TTC27: variants seen among roughly 807,000 people sequenced by gnomAD.
TTC27 encodes tetratricopeptide repeat protein 27.
In TTC27, 79 loss-of-function variants were observed where a neutral mutation model predicts 115.9. That is an observed-to-expected ratio of 0.68 (90% CI 0.57 to 0.82). The LOEUF is 0.82. Ranked by LOEUF, TTC27 falls within the 40% of genes least tolerant of loss-of-function variation. TTC27 has a pLI of 0.00. For missense variants in TTC27, 1,054 were observed against 993.1 expected, an observed-to-expected ratio of 1.06 and a Z score of -0.82; for synonymous variants, 401 against 356.0, an observed-to-expected ratio of 1.13 and a Z score of -1.42.
chr2:32,642,168 A>G (rs1572467331), intron 4 of TTC27, among the ~76,000 whole-genome samples: 1 of 151,076 alleles, frequency 6.6e-6, no homozygotes, highest in Non-Finnish European at 1.5e-5. Flanking sequence ...AAGCATCACA[A>G]TATTTCTATA....
intron 4 of TTC27, among the ~76,000 whole-genome samples, chr2:32,647,393 A>G (rs1466231654): frequency 6.6e-6 from 1 of 152,208 alleles, no homozygotes; most frequent in African/African-American, 2.4e-5. Context: ...AACTGACTTC[A>G]TGCTATAGTG....
At chr2:32,651,404 T>C (rs1390689360) in intron 5 of TTC27, among the ~76,000 whole-genome samples, 2 of 152,190 alleles carry the variant, frequency 1.3e-5, no homozygotes, top group Non-Finnish European at 2.9e-5. Flanking sequence ...TGGAGTGCAA[T>C]GGCGCAATCT....
intron 9 of TTC27, among the ~76,000 whole-genome samples, chr2:32,693,663 C>G (rs1377631408): frequency 6.6e-6 from 1 of 152,086 alleles, no homozygotes; most frequent in Non-Finnish European, 1.5e-5. Flanking sequence ...GCATCTTACC[C>G]CTACATCATA....
At chr2:32,774,657 G>T (rs889813045) in intron 13 of TTC27, among the ~76,000 whole-genome samples, 1 of 152,074 alleles carries the variant, frequency 6.6e-6, no homozygotes, top group Non-Finnish European at 1.5e-5. Context: ...GTTCTTAAGA[G>T]TATGACTATT....
chr2:32,706,667 C>T (rs1203841104), intron 10 of TTC27, among the ~76,000 whole-genome samples: 4 of 151,936 alleles, frequency 2.6e-5, no homozygotes, highest in East Asian at 1.9e-4. Context: ...CAGGTTCAAG[C>T]GATTCTCATG....
intron 10 of TTC27, among the ~76,000 whole-genome samples, chr2:32,723,934 C>T (rs968423632): frequency 2.7e-5 from 4 of 146,222 alleles, no homozygotes; most frequent in African/African-American, 5.1e-5. Context: ...CAAAGTGTTA[C>T]GATTAAAGGC....
chr2:32,663,641 TATGTATGTATG>T (rs1665640667), intron 5 of TTC27, among the ~76,000 whole-genome samples: 1 of 17,986 alleles, frequency 5.6e-5, no homozygotes, highest in African/African-American at 1.0e-4. Context: ...CCTATTTATG[TATGTATGTATG>T]TATGTATGTA....
chr2:32,715,132 C>G (rs1476440774), intron 10 of TTC27, among the ~76,000 whole-genome samples: 1 of 152,158 alleles, frequency 6.6e-6, no homozygotes, highest in Non-Finnish European at 1.5e-5. Flanking sequence ...GCATCTTCAT[C>G]ATGGAATCTT....
intron 4 of TTC27, among the ~76,000 whole-genome samples, chr2:32,647,214 T>A (rs758112026): frequency 6.6e-6 from 1 of 152,174 alleles, no homozygotes; most frequent in African/African-American, 2.4e-5. Context: ...GTGCTGGGAT[T>A]GCAAGTGTGA....
chr2:32,757,278 A>G (rs1440876279), intron 12 of TTC27, among the ~76,000 whole-genome samples: 1 of 152,228 alleles, frequency 6.6e-6, no homozygotes, highest in South Asian at 2.1e-4. Context: ...GTAGAGGTGA[A>G]TGAAAGGTAC....
At chr2:32,657,380 GTCTC>G (rs1559190759) in intron 5 of TTC27, among the ~76,000 whole-genome samples, 2 of 139,910 alleles carry the variant, frequency 1.4e-5, no homozygotes, top group South Asian at 4.6e-4. Context: ...TTGAGACGGA[GTCTC>G]TCTCTGTCGC....
At chr2:32,701,859 A>G (rs1335449250) in intron 9 of TTC27, among the ~76,000 whole-genome samples, 1 of 152,038 alleles carries the variant, frequency 6.6e-6, no homozygotes, top group Admixed American at 6.6e-5. Flanking sequence ...AAAATAAAAT[A>G]AATTAGCCGG....
At chr2:32,685,479 C>T (rs147525048) in intron 9 of TTC27, among the ~76,000 whole-genome samples, 1 of 152,088 alleles carries the variant, frequency 6.6e-6, no homozygotes, top group Admixed American at 6.5e-5. Context: ...TTTCCATTGT[C>T]AACAACTATA....
intron 9 of TTC27, among the ~76,000 whole-genome samples, chr2:32,691,158 T>C (rs1334326286): frequency 6.6e-6 from 1 of 152,214 alleles, no homozygotes; most frequent in Non-Finnish European, 1.5e-5. Flanking sequence ...AATGACACTC[T>C]AGATCCTCTT....
chr2:32,634,034 T>C, intron 3 of TTC27, 29 bp downstream of exon 3: 1 of 1,595,960 alleles, frequency 6.3e-7, no homozygotes, highest in Middle Eastern at 1.7e-4. Context: ...TTGTATGTAA[T>C]TATTATTATG....
chr2:32,720,024 G>A (rs1056128836), intron 10 of TTC27, among the ~76,000 whole-genome samples: 4 of 152,116 alleles, frequency 2.6e-5, no homozygotes, highest in African/African-American at 4.8e-5. Context: ...AACATAATAC[G>A]TGAATTATGT....
In TTC27 at chr2:32,777,967, C is replaced by T. The variant is rs1170759321; in HGVS notation, c.1766C>T (p.Thr589Ile). 1 of 1,614,016 alleles carries T rather than the reference C, an allele frequency of 6.2e-7. No individual in the cohort carries two copies. The highest frequency in any genetic ancestry group is 1.1e-5 in the South Asian group (1 of 91,068). Residue 589 changes from threonine (T) to isoleucine (I), a missense_variant, in exon 14 of 20, where the codon ACT becomes ATT. By Grantham distance (89) the Thr-to-Ile change is moderately conservative. Coordinates refer to ENST00000317907, the MANE Select transcript of TTC27 (RefSeq NM_017735.5). The part of the protein sequence containing the change: ...GSAKAFQRCV[T>I]LEPDNAEAWN... ...GCAAAGGCATTTCAGCGCTGTGTGA[C>T]TCTAGAACCCGATGTAAGTTTGTTT...
intron 7 of TTC27, among the ~76,000 whole-genome samples, chr2:32,668,560 CCCTTCCTT>C (rs1553547640): frequency 1.9e-4 from 3 of 15,972 alleles, no homozygotes; most frequent in Admixed American, 6.5e-4. Context: ...CTCCCTCCCT[CCCTTCCTT>C]CCTTCCTTCC....
At chr2:32,692,035 G>GTTTTTTTTTTTT (rs1559208253) in intron 9 of TTC27, among the ~76,000 whole-genome samples, 1 of 59,124 alleles carries the variant, frequency 1.7e-5, no homozygotes, top group Non-Finnish European at 3.8e-5. Context: ...TAATTTTTTA[G>GTTTTTTTTTTTT]GTTTTTTTTT....
Sources: allele counts gnomAD v4.1 joint callset (sites outside exome capture counted in the v4.1 genomes callset), GRCh38; gene constraint gnomAD v4.1.1; transcripts MANE v1.5; gene names NCBI Gene and HGNC (gene_info 2026-07-23, HGNC 2026-07-21).